The following RTN4 variants were observed in gnomAD, a reference collection of about 807,000 sequenced individuals.
RTN4 encodes the protein reticulon-4.
In RTN4, 32 loss-of-function variants were observed where a neutral mutation model predicts 90.4. That is an observed-to-expected ratio of 0.35 (90% CI 0.27 to 0.48). The LOEUF is 0.48. RTN4 is among the 20% of genes least tolerant of loss of function. The probability of loss-of-function intolerance (pLI) is 0.99; values close to 1 mark genes in which losing one functional copy is unlikely to be tolerated. For synonymous variants in RTN4, 629 were observed against 552.5 expected (o/e 1.14, Z -1.94); for missense variants, 1,706 against 1,430.2 (o/e 1.19, Z -3.11).
chr2:55,008,792 T>C (rs977499275), intron 3 of RTN4, among the ~76,000 whole-genome samples: 1 of 152,168 alleles, frequency 6.6e-6, no homozygotes, highest in Non-Finnish European at 1.5e-5. Flanking sequence ...GAATGAGCCC[T>C]GATACGACTT....
chr2:55,030,592 T>C (rs1055342009), intron 1 of RTN4, among the ~76,000 whole-genome samples: 2 of 152,014 alleles, frequency 1.3e-5, no homozygotes, highest in African/African-American at 4.8e-5. Context: ...ATAATAAGAG[T>C]ACCCACCTAA....
At chr2:54,981,829 C>T (rs907348986) in intron 5 of RTN4, among the ~76,000 whole-genome samples, 1 of 51,692 alleles carries the variant, frequency 1.9e-5, no homozygotes, top group Non-Finnish European at 3.9e-5. Context: ...AAGTGCTAGA[C>T]TGTAAAGCAA....
intron 3 of RTN4, among the ~76,000 whole-genome samples, chr2:55,016,760 A>G (rs574476727): frequency 2.0e-5 from 3 of 152,290 alleles, no homozygotes; most frequent in Admixed American, 6.5e-5. Context: ...ACTGCTTCAT[A>G]AACTGTTGCT....
chr2:54,984,477 A>C (rs1336788480), intron 4 of RTN4, among the ~76,000 whole-genome samples: 1 of 152,260 alleles, frequency 6.6e-6, no homozygotes, highest in Non-Finnish European at 1.5e-5. Flanking sequence ...AAATATAGGA[A>C]AGTGGCTGAT....
At chr2:55,008,329 AT>A (rs925607913) in intron 3 of RTN4, among the ~76,000 whole-genome samples, 13 of 149,014 alleles carry the variant, frequency 8.7e-5, no homozygotes, top group Middle Eastern at 3.4e-3. Context: ...CTGTCAAACT[AT>A]TTTTTTTTTA....
At chr2:55,093,057 A>C (rs1005943044) in intron 1 of RTN4, among the ~76,000 whole-genome samples, 6 of 152,222 alleles carry the variant, frequency 3.9e-5, no homozygotes, top group African/African-American at 7.2e-5. Flanking sequence ...TACGTGTGTA[A>C]AATATCAGAA....
intron 1 of RTN4, among the ~76,000 whole-genome samples, chr2:55,031,524 A>G (rs1682314193): frequency 6.6e-6 from 1 of 152,254 alleles, no homozygotes; most frequent in African/African-American, 2.4e-5. Context: ...GGCAAGGCCT[A>G]GCCAAGAAAC....
intron 1 of RTN4, among the ~76,000 whole-genome samples, chr2:55,044,724 G>T (rs1683298859): frequency 7.0e-6 from 1 of 142,108 alleles, no homozygotes. Context: ...TTATTTATCA[G>T]TGGTTCCACA....
chr2:55,009,452 A>AG (rs1462909075), intron 3 of RTN4, among the ~76,000 whole-genome samples: 1 of 152,158 alleles, frequency 6.6e-6, no homozygotes, highest in East Asian at 1.9e-4. Flanking sequence ...TGGGCTTTCA[A>AG]GGGGGAGGAA....
chr2:55,039,591 C>A (rs921851582), intron 1 of RTN4, among the ~76,000 whole-genome samples: 38 of 152,124 alleles, frequency 2.5e-4, no homozygotes, highest in African/African-American at 8.5e-4. Flanking sequence ...ACCAGCCTGC[C>A]CAATATGGTG....
chr2:55,016,367 A>AAATT (rs1167709339), intron 3 of RTN4, among the ~76,000 whole-genome samples: 1 of 152,106 alleles, frequency 6.6e-6, no homozygotes, highest in Non-Finnish European at 1.5e-5. Context: ...CAGATCACTT[A>AAATT]AGGTCAGGAG....
intron 3 of RTN4, among the ~76,000 whole-genome samples, chr2:55,006,445 G>C (rs766547981): frequency 1.4e-4 from 22 of 152,090 alleles, no homozygotes; most frequent in Admixed American, 6.6e-5. Flanking sequence ...CAAAATGTCA[G>C]TATGAGCTTT....
At chr2:55,087,242 A>T (rs2105039471) in intron 1 of RTN4, among the ~76,000 whole-genome samples, 1 of 152,236 alleles carries the variant, frequency 6.6e-6, no homozygotes, top group South Asian at 2.1e-4. Flanking sequence ...TTGAAGTGTA[A>T]TTGCTGGGTC....
At position 54,973,248 on chromosome 2, in the gene RTN4, A is replaced by C. The variant is rs748880989; in HGVS notation, c.3537-50T>G. 2.1e-6 allele frequency: 3 copies of C among 1,434,884 alleles called. No homozygotes were observed. In the South Asian group the frequency reaches 3.5e-5, roughly 17 times the overall value. The allele number at this position is 1,434,884 out of a possible 1,614,324, so 88.9% of individuals were successfully genotyped here. A position where few individuals can be genotyped will look rare whatever the true frequency, so the allele number is the denominator to read the frequency against. On this transcript the variant is annotated intron_variant, in intron 8 of 8. Coordinates refer to ENST00000337526, the MANE Select transcript of RTN4 (RefSeq NM_020532.5). ...ATATCAGTTTTGTTTGCTGCTGCTT[A>C]AAATACCATCTTCCAAGAACTACTT...
chr2:55,108,428 C>T (rs1667981635), intron 1 of RTN4, among the ~76,000 whole-genome samples: 1 of 152,062 alleles, frequency 6.6e-6, no homozygotes, highest in Admixed American at 6.6e-5. Flanking sequence ...GGGGCTCCAG[C>T]ATCGGGGATG....
rs1049201849 is a variant in RTN4 at position 54,972,729 on chromosome 2, ACATTT to A, written c.*422_*426del. On this transcript the variant is annotated 3_prime_UTR_variant, in exon 9 of 9. Transcript: ENST00000337526. ...TACCGGTATGATCTCGTCTAAACAA[ACATTT>A]CATTTCAGAAAATCTGCATCAATCT... The A allele has an allele frequency of 1.3e-5, 2 of 155,660 alleles. No individual in the cohort carries two copies. Among genetic ancestry groups the A allele is most frequent in the South Asian group, 4.1e-4 (2 of 4,828 alleles). 9.6% of individuals were successfully genotyped at this position (155,660 alleles called of 1,614,324 possible).
At chr2:55,012,227 A>C (rs1573377477) in intron 3 of RTN4, among the ~76,000 whole-genome samples, 1 of 152,194 alleles carries the variant, frequency 6.6e-6, no homozygotes. Context: ...CAATTAAAGA[A>C]AAAAGTCTGA....
intron 5 of RTN4, among the ~76,000 whole-genome samples, chr2:54,980,923 G>C (rs765788069): frequency 1.8e-4 from 28 of 152,174 alleles, no homozygotes; most frequent in Non-Finnish European, 3.5e-4. Flanking sequence ...TAGGCTGTAT[G>C]TACAAGGTTC....
the RTN4 span, among the ~76,000 whole-genome samples, chr2:55,133,586 C>T: frequency 6.6e-6 from 1 of 152,096 alleles, no homozygotes. Context: ...TGTAAGGTAC[C>T]CTTGAGGTGT....
Sources: gnomAD v4.1 joint callset for allele counts (sites outside exome capture counted in the v4.1 genomes callset) on GRCh38, gnomAD v4.1.1 for gene constraint, MANE v1.5 for transcripts, NCBI Gene and HGNC (gene_info 2026-07-23, HGNC 2026-07-21) for gene names.